Variants in PARD3B observed in about 807,000 individuals in gnomAD.
PARD3B encodes the protein par-3 family cell polarity regulator beta.
In PARD3B, 103 loss-of-function variants were observed where a neutral mutation model predicts 130.2. The ratio of observed to expected loss-of-function variants is 0.79; its 90% CI spans 0.67 to 0.93. The LOEUF (loss-of-function observed/expected upper bound fraction) is 0.93, where lower values mean the gene tolerates loss of function less well. Among genes scored for constraint, PARD3B ranks in the 40% least tolerant of loss-of-function variants. PARD3B has a pLI of 0.00. For missense variants in PARD3B, 1,609 were observed against 1,499.2 expected, an observed-to-expected ratio of 1.07 and a Z score of -1.21; for synonymous variants, 583 against 553.2, an observed-to-expected ratio of 1.05 and a Z score of -0.76.
chr2:204,737,880 AT>A (rs766563020), intron 2 of PARD3B, among the ~76,000 whole-genome samples: 1 of 152,106 alleles, frequency 6.6e-6, no homozygotes, highest in African/African-American at 2.4e-5. Flanking sequence ...TTGGCTGTAC[AT>A]ATTTGGCTTT....
At chr2:204,948,611 A>C (rs1318086837) in intron 2 of PARD3B, among the ~76,000 whole-genome samples, 1 of 152,150 alleles carries the variant, frequency 6.6e-6, no homozygotes, top group Non-Finnish European at 1.5e-5. Context: ...AAAGGAACCT[A>C]TTGTTCCAGC....
intron 2 of PARD3B, among the ~76,000 whole-genome samples, chr2:204,880,390 G>C (rs769265173): frequency 1.3e-5 from 2 of 152,036 alleles, no homozygotes; most frequent in Admixed American, 6.6e-5. Flanking sequence ...GGTCGAGCGC[G>C]GTGGCTCATG....
rs923153296 is a variant in PARD3B, at chr2:205,122,435, C to A, written c.1165+486C>A. Among the ~76,000 whole-genome samples the A allele has an allele frequency of 2.0e-5, 3 of 152,194 alleles. No homozygotes were observed. The highest frequency in any genetic ancestry group is 2.0e-4 in the Admixed American group (3 of 15,282). On this transcript the variant is annotated intron_variant, in intron 8 of 22. Transcript: ENST00000406610. This position sits in a 1 kb window ranked among gnomAD's most constrained non-coding sequence, Gnocchi z 4.3. ...CAACGTCACAAACATTTAAAACATA[C>A]CTAATTTCAAAAGCATGTATAATAT...
rs2053588876 is a variant in PARD3B, at chr2:205,572,379, G to A, written c.3260+18976G>A. 6.6e-6 allele frequency among the ~76,000 whole-genome samples: 1 copy of A among 152,182 alleles called. No individual in the cohort carries two copies. Among genetic ancestry groups the A allele is most frequent in the African/African-American group, 2.4e-5 (1 of 41,454 alleles). ...CAGAAGGCCTCAGGCCCTTGAAGGT[G>A]TTTAAAGAAAGAAATGGTTTAATCA... On this transcript the variant is annotated intron_variant, in intron 22 of 22. Coordinates refer to ENST00000406610, the MANE Select transcript of PARD3B (RefSeq NM_001302769.2). This position sits in a 1 kb window ranked among gnomAD's most constrained non-coding sequence, Gnocchi z 4.2.
intron 15 of PARD3B, among the ~76,000 whole-genome samples, chr2:205,234,865 AG>A (rs1250608867): frequency 6.6e-6 from 1 of 152,262 alleles, no homozygotes; most frequent in Non-Finnish European, 1.5e-5. Flanking sequence ...AAATTAAATT[AG>A]AATTCAATAG....
At chr2:204,811,193 C>T (rs1232587376) in intron 2 of PARD3B, among the ~76,000 whole-genome samples, 1 of 151,638 alleles carries the variant, frequency 6.6e-6, no homozygotes, top group Non-Finnish European at 1.5e-5. Flanking sequence ...TATTTGTGTC[C>T]TATTTCTTCT....
intron 1 of PARD3B, among the ~76,000 whole-genome samples, chr2:204,674,440 A>G (rs185339992): frequency 2.9e-4 from 43 of 150,306 alleles, no homozygotes; most frequent in South Asian, 1.1e-3. Context: ...ATTATCCCCA[A>G]TCCTTTTTGA....
At chr2:204,743,244 G>C (rs2040079948) in intron 2 of PARD3B, among the ~76,000 whole-genome samples, 1 of 152,044 alleles carries the variant, frequency 6.6e-6, no homozygotes, top group Non-Finnish European at 1.5e-5. Flanking sequence ...GTGCTCAGAA[G>C]GGTGATTTTT....
chr2:205,553,242 C>T, intron 21 of PARD3B, 82 bp from the exon 22 acceptor site: 1 of 1,309,078 alleles, frequency 7.6e-7, no homozygotes, highest in Non-Finnish European at 1.1e-6. Flanking sequence ...AGCATTTGTG[C>T]ACTGATTATA....
At chr2:204,789,673 A>G (rs541300418) in intron 2 of PARD3B, among the ~76,000 whole-genome samples, 2 of 152,270 alleles carry the variant, frequency 1.3e-5, no homozygotes, top group East Asian at 3.9e-4. Context: ...ACTTTAGATA[A>G]AATACCTTTC....
chr2:204,713,857 A>G (rs2038588244), intron 2 of PARD3B, among the ~76,000 whole-genome samples: 1 of 152,060 alleles, frequency 6.6e-6, no homozygotes, highest in African/African-American at 2.4e-5. Context: ...CCAGCCCTGG[A>G]ATCAGTCAGT....
rs1327724532 is a variant in PARD3B, at chr2:205,091,437, G to A, written c.505-12989G>A. On this transcript the variant is annotated intron_variant, in intron 4 of 22. Coordinates refer to ENST00000406610, the MANE Select transcript of PARD3B (RefSeq NM_001302769.2). The surrounding 1 kb of genome is among the most constrained non-coding windows in gnomAD (Gnocchi z 4.2). Reference sequence around the variant, plus strand: ...TTTTCTGCACCTTCTCGGGGAAATAGATGAGGAGGGTGGCCATTAGAATAT... The same window carrying A: ...TTTTCTGCACCTTCTCGGGGAAATAAATGAGGAGGGTGGCCATTAGAATAT... Among the ~76,000 whole-genome samples, 1 of 152,158 alleles carries A rather than the reference G, an allele frequency of 6.6e-6. No homozygotes were observed. Among genetic ancestry groups the A allele is most frequent in the African/African-American group, 2.4e-5 (1 of 41,432 alleles).
intron 5 of PARD3B, among the ~76,000 whole-genome samples, chr2:205,106,040 G>A (rs1703184553): frequency 6.6e-6 from 1 of 151,922 alleles, no homozygotes; most frequent in African/African-American, 2.4e-5. Context: ...ACATTAGTTT[G>A]GTTTATGGCT....
At chr2:205,340,614 C>A (rs1325417866) in intron 18 of PARD3B, among the ~76,000 whole-genome samples, 1 of 152,088 alleles carries the variant, frequency 6.6e-6, no homozygotes, top group Non-Finnish European at 1.5e-5. Context: ...GAATTAAAGA[C>A]TTAAAGGTAA....
rs2052970935 is a variant in PARD3B at position 205,558,035 on chromosome 2, AG to A, written c.3260+4634del. Among the ~76,000 whole-genome samples the A allele has an allele frequency of 6.6e-6, 1 of 152,212 alleles. No homozygotes were observed. The highest frequency in any genetic ancestry group is 2.4e-5 in the African/African-American group (1 of 41,456). ...CTGAAGCTGAAGGATTCGCCGACTC[AG>A]GAAAGACCAGTGGTCTGGATGGTCA... On this transcript the variant is annotated intron_variant, in intron 22 of 22. Transcript: ENST00000406610. The surrounding 1 kb of genome is among the most constrained non-coding windows in gnomAD (Gnocchi z 4.8).
rs191255735 is a variant in PARD3B at position 204,772,938 on chromosome 2, C to A, written c.222+86656C>A. Among the ~76,000 whole-genome samples the A allele has an allele frequency of 3.0e-3, 453 of 152,044 alleles. 2 individuals are homozygous for A. Among genetic ancestry groups the A allele is most frequent in the African/African-American group, 0.011 (439 of 41,496 alleles). ...TCTGTTCCAAGCCCCAGCTCCTATTCTTTATAAATTTTCTCCCTCACCTTG... is the reference window on the plus strand; with the variant it reads ...TCTGTTCCAAGCCCCAGCTCCTATTATTTATAAATTTTCTCCCTCACCTTG... On this transcript the variant is annotated intron_variant, in intron 2 of 22. Transcript: ENST00000406610.
rs1231694199 is a variant in PARD3B at position 205,572,834 on chromosome 2, C to T, written c.3260+19431C>T. Among the ~76,000 whole-genome samples the T allele has an allele frequency of 6.6e-6, 1 of 152,148 alleles. No individual in the cohort carries two copies. The highest frequency in any genetic ancestry group is 1.5e-5 in the Non-Finnish European group (1 of 68,030). On this transcript the variant is annotated intron_variant, in intron 22 of 22. Transcript: ENST00000406610. This position sits in a 1 kb window ranked among gnomAD's most constrained non-coding sequence, Gnocchi z 4.2. ...GGTCCCTACAAAAGATGCTGAAAGC[C>T]TGAAATGAGGACATAAGTGGGTGTA...
rs1008979400 is a variant in PARD3B at position 205,258,056 on chromosome 2, A to G, written c.2185+12234A>G. ...CTCAATAAACTCTAACTTGAGTTAT[A>G]TTTTCAAATATAGTCCCCCAGCAGG... On this transcript the variant is annotated intron_variant, in intron 16 of 22. Coordinates refer to ENST00000406610, the MANE Select transcript of PARD3B (RefSeq NM_001302769.2). This position sits in a 1 kb window ranked among gnomAD's most constrained non-coding sequence, Gnocchi z 4.9. Among the ~76,000 whole-genome samples, 3 of 152,142 alleles carry G rather than the reference A, an allele frequency of 2.0e-5. No individual in the cohort carries two copies. The highest frequency in any genetic ancestry group is 7.2e-5 in the African/African-American group (3 of 41,426).
At chr2:205,570,890 T>C (rs2053537840) in intron 22 of PARD3B, among the ~76,000 whole-genome samples, 2 of 152,168 alleles carry the variant, frequency 1.3e-5, no homozygotes, top group Admixed American at 1.3e-4. Flanking sequence ...CAGCCAAAAG[T>C]ACTATGCTGA....
Sources: allele counts gnomAD v4.1 joint callset (sites outside exome capture counted in the v4.1 genomes callset), GRCh38; gene constraint gnomAD v4.1.1; non-coding constraint Gnocchi (gnomAD v3.1); transcripts MANE v1.5; gene names NCBI Gene and HGNC (gene_info 2026-07-23, HGNC 2026-07-21).